SENP2: variants seen among roughly 807,000 people sequenced by gnomAD.
SENP2 encodes SUMO specific peptidase 2, also known as sentrin-specific protease 2.
A neutral mutation model predicts 86.3 loss-of-function variants in SENP2; 16 were observed. The observed-to-expected ratio is 0.19, with a 90% CI of 0.13 to 0.28. The LOEUF (loss-of-function observed/expected upper bound fraction) is 0.28. Ranked by LOEUF, SENP2 falls within the 10% of genes least tolerant of loss-of-function variation. The pLI, the probability that SENP2 is intolerant of heterozygous loss-of-function variation, is 1.00. For synonymous variants in SENP2, 222 were observed against 238.7 expected (o/e 0.93, Z 0.64); for missense variants, 552 against 703.0 (o/e 0.79, Z 2.43).
chr3:185,628,982 C>CTGT (rs1440727928), intron 16 of SENP2, among the ~76,000 whole-genome samples: 2 of 152,182 alleles, frequency 1.3e-5, no homozygotes, highest in Non-Finnish European at 2.9e-5. Flanking sequence ...AAGCAGTTGG[C>CTGT]TGTTCTCTGA....
intron 9 of SENP2, among the ~76,000 whole-genome samples, chr3:185,613,137 C>A (rs1045994743): frequency 5.3e-5 from 8 of 152,192 alleles, no homozygotes; most frequent in African/African-American, 1.7e-4. Flanking sequence ...GGCAGAGTTG[C>A]CACGATGTGC....
Position 185,624,024 on chromosome 3 carries a change from C to A in SENP2, c.1553C>A (p.Thr518Asn), listed in dbSNP as rs1712020111. Residue 518 changes from threonine (T) to asparagine (N), a missense_variant, in exon 15 of 17, where the codon ACC (threonine) becomes AAC (asparagine). Coordinates refer to ENST00000296257, the MANE Select transcript of SENP2 (RefSeq NM_021627.3). ...CAGTATTTACAGGATGAAAGTAAGA[C>A]CAAAAGAAATAGTGATCTGAATCTT... ...LLQYLQDESKTKRNSDLNLLE... is the reference protein window; with the variant it reads ...LLQYLQDESKNKRNSDLNLLE... The A allele has an allele frequency of 6.2e-7, 1 of 1,612,004 alleles. No individual in the cohort carries two copies. Among genetic ancestry groups the A allele is most frequent in the Admixed American group, 1.7e-5 (1 of 59,856 alleles).
At chr3:185,609,615 A>T (rs1722621234) in intron 7 of SENP2, among the ~76,000 whole-genome samples, 1 of 152,094 alleles carries the variant, frequency 6.6e-6, no homozygotes, top group African/African-American at 2.4e-5. Flanking sequence ...CACTGGTTGA[A>T]GTAGGGCTCC....
intron 11 of SENP2, 150 bp downstream of exon 11, chr3:185,614,890 A>T (rs1448516138): frequency 9.9e-6 from 7 of 704,318 alleles, no homozygotes; most frequent in Non-Finnish European, 1.4e-5. Flanking sequence ...ATTCACTTTG[A>T]CTACATTGAT....
chr3:185,614,506 G>C, intron 10 of SENP2, 58 bp from the exon 11 acceptor site: 1 of 1,456,208 alleles, frequency 6.9e-7, no homozygotes, highest in Non-Finnish European at 9.4e-7. Context: ...TGTGTAATCT[G>C]TGTTTATATT....
At chr3:185,629,671 A>G (rs6774871) in intron 16 of SENP2, 111 bp from the exon 17 acceptor site, 350,954 of 1,003,216 alleles carry the variant, frequency 0.35, 63,420 homozygotes, top group South Asian at 0.5. Context: ...AAATGTCAAC[A>G]CTTAGAAAAA....
At chr3:185,613,480 C>A in intron 10 of SENP2, 72 bp downstream of exon 10, 2 of 908,650 alleles carry the variant, frequency 2.2e-6, no homozygotes, top group Non-Finnish European at 1.8e-6. Context: ...CCATGAAAAG[C>A]AAGAAAAAGT....
intron 13 of SENP2, among the ~76,000 whole-genome samples, chr3:185,619,713 A>G (rs865857596): frequency 1.5e-4 from 23 of 151,198 alleles, no homozygotes; most frequent in African/African-American, 5.1e-4. Context: ...AAAAAATTTT[A>G]TGTTTATTTT....
chr3:185,626,442 G>A (rs1248619634), intron 16 of SENP2, 49 bp downstream of exon 16: 1 of 1,334,666 alleles, frequency 7.5e-7, no homozygotes, highest in Admixed American at 1.7e-5. Flanking sequence ...AGCAAGATAA[G>A]GCACTTGGCC....
In SENP2 at chr3:185,621,924, C is replaced by T; in HGVS notation, c.1526+19C>T. ...TTCTCCTGTAAGTAAAGGTTGAAAA[C>T]CTCACTACCCCCTGTTGAGGTGATC... On this transcript the variant is annotated intron_variant, in intron 14 of 16. Coordinates refer to ENST00000296257, the MANE Select transcript of SENP2 (RefSeq NM_021627.3). 1.3e-6 allele frequency: 2 copies of T among 1,514,484 alleles called. No homozygotes were observed. Among genetic ancestry groups the T allele is most frequent in the Non-Finnish European group, 1.8e-6 (2 of 1,091,400 alleles). The allele number at this position is 1,514,484 out of a possible 1,614,324, so 93.8% of individuals were successfully genotyped here. A position where few individuals can be genotyped will look rare whatever the true frequency, so the allele number is the denominator to read the frequency against.
At chr3:185,626,818 G>A (rs1712168217) in intron 16 of SENP2, among the ~76,000 whole-genome samples, 1 of 151,116 alleles carries the variant, frequency 6.6e-6, no homozygotes, top group African/African-American at 2.4e-5. Context: ...GCTCATGCCT[G>A]TAATCCCAGC....
Position 185,619,295 on chromosome 3 carries a change from G to T in SENP2, c.1243-4G>T. On this transcript the variant is annotated splice_region_variant and splice_polypyrimidine_tract_variant and intron_variant, in intron 12 of 16. Coordinates refer to ENST00000296257, the MANE Select transcript of SENP2 (RefSeq NM_021627.3). ...CCAGCTTTTGCTCCCTTGGTATTTT[G>T]TAGGTCATTAATTTTTACATGAATC... The T allele has an allele frequency of 6.2e-7, 1 of 1,607,300 alleles. No homozygotes were observed. Among genetic ancestry groups the T allele is most frequent in the Non-Finnish European group, 8.5e-7 (1 of 1,173,874 alleles).
chr3:185,592,777 C>T (rs138381109), intron 2 of SENP2, among the ~76,000 whole-genome samples: 2,026 of 152,100 alleles, frequency 0.013, 20 homozygotes, highest in Non-Finnish European at 0.021. Flanking sequence ...CCACCACACC[C>T]GGCTAATTTT....
At chr3:185,617,398 C>T (rs1711663069) in intron 11 of SENP2, 82 bp from the exon 12 acceptor site, 3 of 1,270,186 alleles carry the variant, frequency 2.4e-6, no homozygotes, top group Non-Finnish European at 2.1e-6. Flanking sequence ...AGATGAAAAA[C>T]TTTTTTCAGT....
rs564689579 is a variant in SENP2 at position 185,591,499 on chromosome 3, C to T, written c.157+1330C>T. On this transcript the variant is annotated intron_variant, in intron 2 of 16. Coordinates refer to ENST00000296257, the MANE Select transcript of SENP2 (RefSeq NM_021627.3). ...CCTGAGTAGCTGGGACTACAGGCGCCCGCCATCATGCCCGGCTAATTTTTT... is the reference window on the plus strand; with the variant it reads ...CCTGAGTAGCTGGGACTACAGGCGCTCGCCATCATGCCCGGCTAATTTTTT... Among the ~76,000 whole-genome samples, 373 of 151,456 alleles carry T rather than the reference C, an allele frequency of 2.5e-3. 3 individuals carry two copies. The highest frequency in any genetic ancestry group is 3.7e-3 in the Admixed American group (57 of 15,222).
intron 1 of SENP2, among the ~76,000 whole-genome samples, chr3:185,587,833 C>T (rs1283350065): frequency 2.0e-5 from 3 of 149,616 alleles, no homozygotes; most frequent in Non-Finnish European, 4.4e-5. Context: ...CCACTGGGTT[C>T]AGGCGATTCT....
At chr3:185,603,556 A>C (rs1722417081) in intron 5 of SENP2, among the ~76,000 whole-genome samples, 1 of 152,200 alleles carries the variant, frequency 6.6e-6, no homozygotes, top group African/African-American at 2.4e-5. Context: ...CCTGGATTAG[A>C]TTTTAGATGG....
At chr3:185,597,788 G>A (rs952295845) in intron 2 of SENP2, among the ~76,000 whole-genome samples, 2 of 151,822 alleles carry the variant, frequency 1.3e-5, no homozygotes, top group African/African-American at 4.8e-5. Context: ...TGAATAGGTG[G>A]GATTATAGGG....
chr3:185,590,260 A>G, intron 2 of SENP2, 91 bp downstream of exon 2: 1 of 672,032 alleles, frequency 1.5e-6, no homozygotes, highest in South Asian at 2.2e-5. Context: ...GTATCTGGTA[A>G]AAAGTAAGTC....
Sources: gnomAD v4.1 joint callset for allele counts (sites outside exome capture counted in the v4.1 genomes callset) on GRCh38, gnomAD v4.1.1 for gene constraint, MANE v1.5 for transcripts, NCBI Gene and HGNC (gene_info 2026-07-23, HGNC 2026-07-21) for gene names.